LILRA5: variants seen among roughly 807,000 people sequenced by gnomAD.
LILRA5 encodes leukocyte immunoglobulin-like receptor subfamily A member 5.
A neutral mutation model predicts 36.3 loss-of-function variants in LILRA5; 31 were observed. That is an observed-to-expected ratio of 0.85 (90% confidence interval 0.64 to 1.15). The LOEUF (loss-of-function observed/expected upper bound fraction) is 1.15, where lower values mean the gene tolerates loss of function less well. LILRA5 is among the 50% of genes most tolerant of loss of function. The probability of loss-of-function intolerance (pLI) is 0.00; values close to 1 mark genes in which losing one functional copy is unlikely to be tolerated. For missense variants in LILRA5, 348 were observed against 377.4 expected, an observed-to-expected ratio of 0.92 and a Z score of 0.64; for synonymous variants, 144 against 144.8, an observed-to-expected ratio of 0.99 and a Z score of 0.04.
chr19:54,308,381 AT>A (rs2080936977), intron 5 of LILRA5: 3 of 63,638 alleles, frequency 4.7e-5, no homozygotes, highest in Non-Finnish European at 9.0e-5. Flanking sequence ...ATATATATAT[AT>A]ATATATATAT....
rs764999592 is a variant in LILRA5, at chr19:54,311,422, G to A, written c.704C>T (p.Pro235Leu). The A allele has an allele frequency of 1.9e-5, 30 of 1,614,016 alleles. No individual in the cohort carries two copies. The highest frequency in any genetic ancestry group is 8.8e-5 in the South Asian group (8 of 91,080). Reference protein sequence around the residue: ...WSEPSDLLEIPVSGAADNLSP... With the variant: ...WSEPSDLLEILVSGAADNLSP... ...GACTGTGGCTTCCTCACCTGAGACC[G>A]GAATCTCCAGGAGGTCACTGGGTTC... The change falls in exon 5 of 7, where the codon CCG becomes CTG. Residue 235 changes from proline to leucine, a missense_variant. By Grantham distance (98) the Pro-to-Leu change is moderately conservative. Transcript: ENST00000432233.
At chr19:54,308,212 A>G (rs1408188500) in intron 5 of LILRA5, 1 of 171,082 alleles carries the variant, frequency 5.8e-6, no homozygotes, top group Admixed American at 5.5e-5. Flanking sequence ...CCTCCCCTTG[A>G]CGCCACCTCA....
chr19:54,312,749 C>T (rs926035545), intron 1 of LILRA5, 128 bp from the exon 2 acceptor site: 2 of 987,724 alleles, frequency 2.0e-6, no homozygotes, highest in African/African-American at 3.2e-5. Context: ...TCTCATTTCC[C>T]CAGGGCTGAA....
chr19:54,312,977 C>A, intron 1 of LILRA5, 40 bp downstream of exon 1: 1 of 1,614,108 alleles, frequency 6.2e-7, no homozygotes. Context: ...TCCCTCCCTC[C>A]TTCAGCCCGT....
chr19:54,311,940 T>C lies in LILRA5; in HGVS notation c.333A>G (p.Ala111=), dbSNP rs2081027570. The change falls in exon 4 of 7, where the codon GCA becomes GCG. Residue 111 remains alanine (A), a synonymous_variant. Coordinates refer to ENST00000432233, the MANE Select transcript of LILRA5 (RefSeq NM_021250.4). ...FSIPSMTEHH[A]GRYRCYYYSP... The stretch of plus-strand genomic sequence containing the variant: ...TGTAGTAGTAACAGCGGTATCTCCC[T>C]GCATGGTGCTCTGTCATGGATGGGA... The C allele has an allele frequency of 6.2e-7, 1 of 1,614,192 alleles. No individual in the cohort carries two copies. The highest frequency in any genetic ancestry group is 8.5e-7 in the Non-Finnish European group (1 of 1,180,022).
intron 5 of LILRA5, chr19:54,308,777 A>G (rs2080952166): frequency 6.6e-6 from 1 of 152,084 alleles, no homozygotes; most frequent in South Asian, 2.1e-4. Context: ...AGTCTAGGTG[A>G]GAAGACCAAT....
At chr19:54,311,105 G>T in intron 5 of LILRA5, 1 of 438,012 alleles carries the variant, frequency 2.3e-6, no homozygotes, top group South Asian at 2.2e-5. Flanking sequence ...ACAGGTGTGT[G>T]CCGCCACGCC....
At position 54,312,616 on chromosome 19, in the gene LILRA5, T is replaced by A. The variant is rs767454844; in HGVS notation, c.9A>T (p.Pro3=). The A allele has an allele frequency of 6.2e-7, 1 of 1,614,104 alleles. No individual in the cohort carries two copies. Among genetic ancestry groups the A allele is most frequent in the South Asian group, 1.1e-5 (1 of 91,084 alleles). MA[P]WSHPSAQLQP... ...GCAGCTGTGCAGATGGATGAGACCA[T>A]GGTGCCTGGCAGGACAGAGAGACAC... Residue 3 remains proline, a synonymous_variant, in exon 2 of 7, where the codon CCA becomes CCT. Coordinates refer to ENST00000432233, the MANE Select transcript of LILRA5 (RefSeq NM_021250.4).
chr19:54,307,991 C>G (rs1281063170), intron 5 of LILRA5: 12 of 543,008 alleles, frequency 2.2e-5, no homozygotes, highest in Admixed American at 3.1e-5. Flanking sequence ...AAAGAGCTTT[C>G]CTGCACCGTG....
At chr19:54,307,592 C>A (rs754806731) in intron 6 of LILRA5, 43 bp from the exon 7 acceptor site, 2 of 1,613,600 alleles carry the variant, frequency 1.2e-6, no homozygotes, top group South Asian at 1.1e-5. Context: ...CAGGGCAGAT[C>A]AGTATCACCC....
chr19:54,311,055 G>A (rs1217246009), intron 5 of LILRA5: 8 of 321,320 alleles, frequency 2.5e-5, no homozygotes, highest in East Asian at 1.5e-4. Context: ...TCCCGGGTTC[G>A]AGCGATTCTC....
At chr19:54,307,677 T>G (rs375147509) in intron 6 of LILRA5, 21 bp downstream of exon 6, 11 of 1,613,886 alleles carry the variant, frequency 6.8e-6, no homozygotes, top group Non-Finnish European at 8.5e-6. Flanking sequence ...GTTCCATAAC[T>G]GAGAGCATCT....
chr19:54,307,361 A>G lies in LILRA5; in HGVS notation c.*52T>C. 2 of 1,558,952 alleles carry G rather than the reference A, an allele frequency of 1.3e-6. No individual in the cohort carries two copies. The highest frequency in any genetic ancestry group is 1.7e-6 in the Non-Finnish European group (2 of 1,152,520). ...TCTTCCCGAACCTCCTAGGACCATC[A>G]GATTCGCTTCCAAGGCTCCAGCATT... On this transcript the variant is annotated 3_prime_UTR_variant, in exon 7 of 7. Coordinates refer to ENST00000432233, the MANE Select transcript of LILRA5 (RefSeq NM_021250.4).
Position 54,311,413 on chromosome 19 carries a change from C to T in LILRA5, c.712+1G>A, listed in dbSNP as rs762351617. 3.7e-6 allele frequency: 6 copies of T among 1,614,206 alleles called. No individual in the cohort carries two copies. The highest frequency in any genetic ancestry group is 1.3e-5 in the African/African-American group (1 of 75,044). On this transcript the variant is annotated splice_donor_variant, in intron 5 of 6. Transcript: ENST00000432233. LOFTEE classifies it high-confidence loss of function. ...ACTAGAGAAGACTGTGGCTTCCTCA[C>T]CTGAGACCGGAATCTCCAGGAGGTC...
At chr19:54,308,377 AT>A (rs2080935711) in intron 5 of LILRA5, 8 of 65,454 alleles carry the variant, frequency 1.2e-4, no homozygotes, top group South Asian at 9.5e-4. Context: ...ATATATATAT[AT>A]ATATATATAT....
chr19:54,312,349 G>A lies in LILRA5; in HGVS notation c.110C>T (p.Thr37Ile). ...LCLGLSLGPR[T>I]HVQAGNLSKA... ...GACAGACTCACCTGCCTGCACGTGG[G>A]TCCTGGGGCCCAGACTCAGCCCTGG... Residue 37 changes from threonine to isoleucine, a missense_variant, in exon 3 of 7, where the codon ACC becomes ATC. Physicochemically the swap from Thr to Ile is moderately conservative, Grantham distance 89 (BLOSUM62 -1). Coordinates refer to ENST00000432233, the MANE Select transcript of LILRA5 (RefSeq NM_021250.4). 1.2e-6 allele frequency: 2 copies of A among 1,614,216 alleles called. No individual in the cohort carries two copies. The highest frequency in any genetic ancestry group is 1.7e-6 in the Non-Finnish European group (2 of 1,180,036).
intron 5 of LILRA5, chr19:54,309,472 AAAACAAACAAAC>A (rs766400909): frequency 6.6e-6 from 1 of 151,354 alleles, no homozygotes; most frequent in Non-Finnish European, 1.5e-5. Context: ...CTCAAAAACA[AAAACAAACAAAC>A]AAACAAAAGA....
intron 5 of LILRA5, chr19:54,310,092 T>C (rs1178962648): frequency 8.6e-6 from 2 of 231,610 alleles, no homozygotes; most frequent in Non-Finnish European, 1.7e-5. Flanking sequence ...CTGTCCTGAG[T>C]GGGCTCAGGG....
At chr19:54,312,985 C>A (rs769284444) in intron 1 of LILRA5, 32 bp downstream of exon 1, 2 of 1,613,948 alleles carry the variant, frequency 1.2e-6, no homozygotes, top group Non-Finnish European at 1.7e-6. Context: ...TCCTTCAGCC[C>A]GTCCATGAGC....
Sources: gnomAD v4.1 joint callset for allele counts on GRCh38, gnomAD v4.1.1 for gene constraint, MANE v1.5 for transcripts, NCBI Gene and HGNC (gene_info 2026-07-23, HGNC 2026-07-21) for gene names.